ZFAND3: variants seen among roughly 807,000 people sequenced by gnomAD.
The protein encoded by ZFAND3 is AN1-type zinc finger protein 3.
Under a neutral mutation model 29.6 loss-of-function variants are expected in ZFAND3, and 10 were observed. The ratio of observed to expected loss-of-function variants is 0.34; its 90% CI spans 0.21 to 0.57. The LOEUF (loss-of-function observed/expected upper bound fraction) is 0.57, where lower values mean the gene tolerates loss of function less well. Ranked by LOEUF, ZFAND3 falls within the 20% of genes least tolerant of loss-of-function variation. The pLI is 0.86. For synonymous variants in ZFAND3, 128 were observed against 112.6 expected, an observed-to-expected ratio of 1.14 and a Z score of -0.87; for missense variants, 230 against 304.5, an observed-to-expected ratio of 0.76 and a Z score of 1.82.
chr6:37,998,335 T>C (rs1186786694), intron 2 of ZFAND3, among the ~76,000 whole-genome samples: 1 of 152,192 alleles, frequency 6.6e-6, no homozygotes, highest in African/African-American at 2.4e-5. Context: ...GGGGAATTTT[T>C]AGAGGGATGG....
intron 2 of ZFAND3, among the ~76,000 whole-genome samples, chr6:37,980,758 A>G (rs776343049): frequency 2.0e-5 from 3 of 152,140 alleles, no homozygotes; most frequent in Non-Finnish European, 4.4e-5. Context: ...CTATCGTACA[A>G]TATTAATCCT....
At chr6:38,066,210 TTTG>T (rs536411949) in intron 3 of ZFAND3, among the ~76,000 whole-genome samples, 1 of 152,084 alleles carries the variant, frequency 6.6e-6, no homozygotes, top group Non-Finnish European at 1.5e-5. Context: ...GTACCTTGAG[TTTG>T]TTAAGAGCTG....
At chr6:38,080,685 A>T (rs1764644838) in intron 3 of ZFAND3, among the ~76,000 whole-genome samples, 1 of 152,174 alleles carries the variant, frequency 6.6e-6, no homozygotes, top group African/African-American at 2.4e-5. Flanking sequence ...CTTTTCCAGA[A>T]ATAAGAAGGC....
At chr6:38,094,582 C>T (rs1044837869) in intron 4 of ZFAND3, among the ~76,000 whole-genome samples, 13 of 152,236 alleles carry the variant, frequency 8.5e-5, no homozygotes, top group Admixed American at 7.8e-4. Context: ...TTTGAGATGT[C>T]AACTGGCATG....
chr6:38,012,581 A>G (rs995965980), intron 2 of ZFAND3, among the ~76,000 whole-genome samples: 6 of 152,020 alleles, frequency 3.9e-5, no homozygotes, highest in Middle Eastern at 3.4e-3. Flanking sequence ...GCTTCACCAT[A>G]TTGGTCAGGC....
chr6:37,965,502 C>T (rs1762277369), intron 2 of ZFAND3, among the ~76,000 whole-genome samples: 1 of 152,122 alleles, frequency 6.6e-6, no homozygotes, highest in Non-Finnish European at 1.5e-5. Flanking sequence ...CAAGGGACAT[C>T]TGAGACCTCT....
At chr6:38,053,885 C>A (rs148749754) in intron 2 of ZFAND3, among the ~76,000 whole-genome samples, 4 of 151,532 alleles carry the variant, frequency 2.6e-5, no homozygotes, top group Non-Finnish European at 5.9e-5. Context: ...TCTGACTATT[C>A]TCTATGTGAA....
intron 4 of ZFAND3, 92 bp from the exon 5 acceptor site, chr6:38,116,480 C>T: frequency 6.9e-7 from 1 of 1,443,478 alleles, no homozygotes; most frequent in Non-Finnish European, 9.4e-7. Context: ...AGGGCAGTAG[C>T]CTGGTCAGGA....
chr6:38,023,446 C>G (rs1314321432), intron 2 of ZFAND3, among the ~76,000 whole-genome samples: 2 of 152,062 alleles, frequency 1.3e-5, no homozygotes, highest in Non-Finnish European at 2.9e-5. Context: ...TGAAGTAATG[C>G]ATATGTTAAT....
At chr6:37,968,419 G>T (rs899809830) in intron 2 of ZFAND3, among the ~76,000 whole-genome samples, 7 of 151,476 alleles carry the variant, frequency 4.6e-5, no homozygotes, top group Non-Finnish European at 8.8e-5. Flanking sequence ...CCTTGGAAGG[G>T]TGAAAAACCA....
chr6:37,896,570 C>CTTTCTTTTCTTTCTTTCTT (rs1554153801), intron 1 of ZFAND3, among the ~76,000 whole-genome samples: 14 of 124,508 alleles, frequency 1.1e-4, no homozygotes, highest in African/African-American at 3.2e-4. Context: ...TTCTTTCTTT[C>CTTTCTTTTCTTTCTTTCTT]TCTCTTTCTC....
chr6:37,843,142 T>G (rs573397768), intron 1 of ZFAND3, among the ~76,000 whole-genome samples: 6 of 149,466 alleles, frequency 4.0e-5, no homozygotes, highest in Non-Finnish European at 8.9e-5. Context: ...AAAAAAAATC[T>G]TAATTTCTTA....
At chr6:38,113,603 T>TG (rs1358920880) in intron 4 of ZFAND3, among the ~76,000 whole-genome samples, 2 of 152,116 alleles carry the variant, frequency 1.3e-5, no homozygotes, top group Non-Finnish European at 2.9e-5. Flanking sequence ...GGGCAGGGGT[T>TG]GGGGGGTCCC....
chr6:38,057,856 T>C (rs1764160510), intron 2 of ZFAND3, among the ~76,000 whole-genome samples: 1 of 152,192 alleles, frequency 6.6e-6, no homozygotes, highest in East Asian at 1.9e-4. Context: ...TTTTTCAGAT[T>C]CAAGTAGAGA....
At chr6:37,918,951 C>CTT (rs66941014) in intron 1 of ZFAND3, among the ~76,000 whole-genome samples, 61 of 104,710 alleles carry the variant, frequency 5.8e-4, no homozygotes, top group African/African-American at 1.3e-3. Flanking sequence ...TGAAAAATGC[C>CTT]TTTTTTTTTT....
rs985261575 is a variant in ZFAND3, at chr6:38,012,680, A to G, written c.113-48913A>G. On this transcript the variant is annotated intron_variant, in intron 2 of 5. Coordinates refer to ENST00000287218, the MANE Select transcript of ZFAND3 (RefSeq NM_021943.3). The stretch of plus-strand genomic sequence containing the variant: ...GTGTGAGCCACCATGCCTGGCTGAT[A>G]GTAATTTTTAATCTTTATGTGATGA... 4.6e-5 allele frequency among the ~76,000 whole-genome samples: 7 copies of G among 152,108 alleles called. No individual in the cohort carries two copies. The South Asian group carries it at 6.2e-4, about 13-fold the overall frequency.
intron 1 of ZFAND3, among the ~76,000 whole-genome samples, chr6:37,913,727 T>TTTTTTTTTTTTA (rs1761172944): frequency 1.3e-5 from 2 of 148,878 alleles, no homozygotes; most frequent in Non-Finnish European, 3.0e-5. Flanking sequence ...TTTTTTTTTT[T>TTTTTTTTTTTTA]GAGACAGAGT....
rs1167846042 is a variant in ZFAND3, at chr6:38,144,189, A to AT, written c.530-8045dup. The stretch of plus-strand genomic sequence containing the variant: ...AAAATGTGATATATATATATAATAT[A>AT]TATATATATATATATATATATAATA... On this transcript the variant is annotated intron_variant, in intron 5 of 5. Transcript: ENST00000287218. Among the ~76,000 whole-genome samples, 6 of 41,750 alleles carry AT rather than the reference A, an allele frequency of 1.4e-4. 1 individual carries two copies. Among genetic ancestry groups the AT allele is most frequent in the South Asian group, 5.1e-4 (1 of 1,942 alleles). 27.4% of individuals were successfully genotyped at this position (41,750 alleles called of 152,430 possible).
intron 5 of ZFAND3, among the ~76,000 whole-genome samples, chr6:38,138,477 G>A (rs1765885817): frequency 6.6e-6 from 1 of 152,130 alleles, no homozygotes; most frequent in South Asian, 2.1e-4. Flanking sequence ...GGCTTGGAGG[G>A]CAGCAAAGGC....
Sources: allele counts gnomAD v4.1 joint callset (sites outside exome capture counted in the v4.1 genomes callset), GRCh38; gene constraint gnomAD v4.1.1; transcripts MANE v1.5; gene names NCBI Gene and HGNC (gene_info 2026-07-23, HGNC 2026-07-21).